CAP1: variants seen among roughly 807,000 people sequenced by gnomAD.
CAP1 encodes adenylyl cyclase-associated protein 1.
Under a neutral mutation model 58.2 loss-of-function variants are expected in CAP1, and 11 were observed. The observed-to-expected ratio is 0.19, with a 90% CI of 0.12 to 0.31. The LOEUF (loss-of-function observed/expected upper bound fraction) is 0.31, where lower values mean the gene tolerates loss of function less well. Ranked by LOEUF, CAP1 falls within the 10% of genes least tolerant of loss-of-function variation. CAP1 has a pLI of 1.00. For missense variants in CAP1, 423 were observed against 587.5 expected (o/e 0.72, Z 2.89); for synonymous variants, 183 against 213.8 (o/e 0.86, Z 1.26).
chr1:40,045,526 G>A (rs950553887), intron 1 of CAP1, among the ~76,000 whole-genome samples: 3 of 152,162 alleles, frequency 2.0e-5, no homozygotes, highest in Non-Finnish European at 4.4e-5. Context: ...AGCCTCCTGA[G>A]TAGCTGGGAC....
At chr1:40,052,301 A>G (rs1039945533) in intron 1 of CAP1, among the ~76,000 whole-genome samples, 21 of 152,314 alleles carry the variant, frequency 1.4e-4, no homozygotes, top group South Asian at 6.2e-4. Context: ...GTGACTGTGT[A>G]AAGTTGCACA....
chr1:40,068,992 C>A (rs938826881), intron 8 of CAP1, among the ~76,000 whole-genome samples: 1 of 152,060 alleles, frequency 6.6e-6, no homozygotes, highest in Non-Finnish European at 1.5e-5. Flanking sequence ...CCACCACACC[C>A]GGCTAATTTT....
chr1:40,044,683 G>A (rs531039069), intron 1 of CAP1, among the ~76,000 whole-genome samples: 12 of 151,388 alleles, frequency 7.9e-5, no homozygotes, highest in East Asian at 7.7e-4. Context: ...TTAGAAAGTC[G>A]TGAACTAGCA....
intron 3 of CAP1, 42 bp downstream of exon 3, chr1:40,060,212 C>T (rs1646790004): frequency 6.9e-7 from 1 of 1,451,798 alleles, no homozygotes; most frequent in Non-Finnish European, 9.6e-7. Context: ...TAAGGACTAA[C>T]AGCTTTCTTC....
intron 6 of CAP1, among the ~76,000 whole-genome samples, chr1:40,065,304 C>T (rs1417595964): frequency 6.6e-6 from 1 of 152,238 alleles, no homozygotes; most frequent in Non-Finnish European, 1.5e-5. Flanking sequence ...CATTGCATGT[C>T]TAACCACATA....
intron 1 of CAP1, among the ~76,000 whole-genome samples, chr1:40,052,339 C>CCTCA (rs1342839125): frequency 4.6e-5 from 7 of 152,130 alleles, no homozygotes; most frequent in Admixed American, 3.9e-4. Flanking sequence ...GGGACTCAGG[C>CCTCA]CTCAGTCTTC....
At chr1:40,052,748 T>C (rs140382794) in intron 1 of CAP1, among the ~76,000 whole-genome samples, 2 of 151,960 alleles carry the variant, frequency 1.3e-5, no homozygotes, top group African/African-American at 4.8e-5. Context: ...CTATCCTGAA[T>C]GTGATTGAAA....
chr1:40,064,585 T>C (rs780644210), intron 6 of CAP1, 26 bp downstream of exon 6: 2 of 1,572,848 alleles, frequency 1.3e-6, no homozygotes, highest in Admixed American at 3.3e-5. Flanking sequence ...TCTCTCTTTT[T>C]TTCTTTTCTG....
chr1:40,068,176 A>G (rs1647192776), intron 8 of CAP1, among the ~76,000 whole-genome samples: 1 of 152,242 alleles, frequency 6.6e-6, no homozygotes, highest in Non-Finnish European at 1.5e-5. Flanking sequence ...ACTTCTAGGA[A>G]TCTATGATCA....
intron 1 of CAP1, among the ~76,000 whole-genome samples, chr1:40,058,673 G>A (rs1646716757): frequency 6.6e-6 from 1 of 151,988 alleles, no homozygotes; most frequent in Non-Finnish European, 1.5e-5. Flanking sequence ...AGTGAGCTGA[G>A]ATCCTGCCAC....
At chr1:40,069,619 G>C in intron 8 of CAP1, 71 bp from the exon 9 acceptor site, 2 of 1,370,258 alleles carry the variant, frequency 1.5e-6, no homozygotes. Flanking sequence ...TGTTAAGGAT[G>C]TTTAACATGA....
In CAP1 at chr1:40,061,338, T is replaced by G. The variant is rs145546171; in HGVS notation, c.217-397T>G. On this transcript the variant is annotated intron_variant, in intron 3 of 12. Coordinates refer to ENST00000372805, the MANE Select transcript of CAP1 (RefSeq NM_006367.4). The stretch of plus-strand genomic sequence containing the variant: ...ACCTTGAGAATTTTCAGCAGAAATT[T>G]AGGCCTTTGCCTTTACTCCTGTCTC... Among the ~76,000 whole-genome samples, 7 of 152,378 alleles carry G rather than the reference T, an allele frequency of 4.6e-5. No individual in the cohort carries two copies. In the East Asian group the frequency reaches 1.3e-3, roughly 29 times the overall value.
At chr1:40,068,666 C>T (rs1382116125) in intron 8 of CAP1, among the ~76,000 whole-genome samples, 1 of 151,786 alleles carries the variant, frequency 6.6e-6, no homozygotes, top group African/African-American at 2.4e-5. Context: ...ATGTAAATTA[C>T]AACCACAAGG....
At chr1:40,051,986 T>G (rs1425508139) in intron 1 of CAP1, among the ~76,000 whole-genome samples, 4 of 152,206 alleles carry the variant, frequency 2.6e-5, no homozygotes, top group Admixed American at 2.6e-4. Context: ...TATGAGTGCT[T>G]CTGGAGGGGA....
chr1:40,064,516 G>A lies in CAP1; in HGVS notation c.481G>A (p.Ala161Thr), dbSNP rs752382496. 1.9e-5 allele frequency: 31 copies of A among 1,613,656 alleles called. No homozygotes were observed. The East Asian group carries it at 2.7e-4, about 14-fold the overall frequency. The change falls in exon 6 of 13, where the codon GCC becomes ACC. Residue 161 changes from alanine (A) to threonine (T), a missense_variant. Transcript: ENST00000372805. ...GPYVKEMNDA[A>T]MFYTNRVLKE... ...TTATGTGAAAGAAATGAATGATGCC[G>A]CCATGTTTTATACAAACCGAGTCCT...
chr1:40,043,911 T>C (rs1356221761), intron 1 of CAP1, among the ~76,000 whole-genome samples: 2 of 152,076 alleles, frequency 1.3e-5, no homozygotes, highest in East Asian at 3.9e-4. Context: ...TTTCTCGCTT[T>C]TTCCAGAAAT....
chr1:40,046,713 G>A (rs773501766), intron 1 of CAP1, among the ~76,000 whole-genome samples: 6 of 151,476 alleles, frequency 4.0e-5, no homozygotes, highest in Non-Finnish European at 7.4e-5. Context: ...TGTATAGTAT[G>A]TTACTGTATC....
intron 8 of CAP1, among the ~76,000 whole-genome samples, 187 bp downstream of exon 8, chr1:40,067,904 G>A (rs1557695802): frequency 1.3e-5 from 2 of 152,236 alleles, no homozygotes; most frequent in Non-Finnish European, 2.9e-5. Context: ...ACAGTTGGAG[G>A]AAGCCATCTG....
chr1:40,059,982 G>GCC, intron 2 of CAP1, 85 bp from the exon 3 acceptor site: 1 of 1,064,328 alleles, frequency 9.4e-7, no homozygotes, highest in Admixed American at 1.8e-5. Context: ...GTATTACCTT[G>GCC]CCTCCCCACT....
Sources: gnomAD v4.1 joint callset for allele counts (sites outside exome capture counted in the v4.1 genomes callset) on GRCh38, gnomAD v4.1.1 for gene constraint, MANE v1.5 for transcripts, NCBI Gene and HGNC (gene_info 2026-07-23, HGNC 2026-07-21) for gene names.